The following SH3RF3 variants were observed in gnomAD, a reference collection of about 807,000 sequenced individuals.
The protein encoded by SH3RF3 is E3 ubiquitin-protein ligase SH3RF3.
A neutral mutation model predicts 66.3 loss-of-function variants in SH3RF3; 29 were observed. The observed-to-expected ratio is 0.44, with a 90% CI of 0.33 to 0.60. SH3RF3 has a LOEUF of 0.60. Ranked by LOEUF, SH3RF3 falls within the 20% of genes least tolerant of loss-of-function variation. SH3RF3 has a pLI of 0.04. For synonymous variants in SH3RF3, 583 were observed against 532.0 expected (o/e 1.10, Z -1.32); for missense variants, 1,194 against 1,190.9 (o/e 1.00, Z -0.04).
chr2:109,341,439 T>G (rs1247528944), intron 1 of SH3RF3, among the ~76,000 whole-genome samples: 3 of 152,212 alleles, frequency 2.0e-5, no homozygotes, highest in Non-Finnish European at 4.4e-5. Context: ...TGACAGCACA[T>G]AAATGATAAC....
intron 1 of SH3RF3, among the ~76,000 whole-genome samples, chr2:109,149,018 C>A (rs1020884499): frequency 6.6e-6 from 1 of 152,188 alleles, no homozygotes; most frequent in Non-Finnish European, 1.5e-5. Flanking sequence ...AACTGCAGAT[C>A]CCCCTTTCTC....
chr2:109,483,077 A>C (rs949958107), intron 8 of SH3RF3, among the ~76,000 whole-genome samples: 3 of 152,178 alleles, frequency 2.0e-5, no homozygotes, highest in Non-Finnish European at 4.4e-5. Flanking sequence ...AATGCGTTGC[A>C]TATTTATATT....
intron 1 of SH3RF3, among the ~76,000 whole-genome samples, chr2:109,338,569 A>G (rs1241739060): frequency 6.6e-6 from 1 of 151,638 alleles, no homozygotes; most frequent in Non-Finnish European, 1.5e-5. Context: ...TTTTATTTTT[A>G]TTTTTTGAGA....
chr2:109,207,091 C>G (rs1678859044), intron 1 of SH3RF3, among the ~76,000 whole-genome samples: 2 of 152,150 alleles, frequency 1.3e-5, no homozygotes, highest in South Asian at 4.1e-4. Context: ...TTAGTGCGCT[C>G]AAGAAGAAGG....
At chr2:109,362,030 T>G (rs1477359928) in intron 2 of SH3RF3, among the ~76,000 whole-genome samples, 1 of 152,152 alleles carries the variant, frequency 6.6e-6, no homozygotes, top group African/African-American at 2.4e-5. Flanking sequence ...TTATTGATCT[T>G]TTTTGTTTCA....
rs150533473 is a variant in SH3RF3 at position 109,423,348 on chromosome 2, C to G, written c.1403+3706C>G. On this transcript the variant is annotated intron_variant, in intron 5 of 9. Transcript: ENST00000309415. ...CTCTCTGTCATGGCAGGGATGACCT[C>G]GCAGACCTTGCTGTGATCAGGAGTG... Among the ~76,000 whole-genome samples, 1,188 of 152,262 alleles carry G rather than the reference C, an allele frequency of 7.8e-3. 11 individuals are homozygous for G. Among genetic ancestry groups the G allele is most frequent in the Non-Finnish European group, 0.014 (982 of 68,018 alleles).
At chr2:109,204,074 T>TGG (rs1678750943) in intron 1 of SH3RF3, among the ~76,000 whole-genome samples, 4 of 152,210 alleles carry the variant, frequency 2.6e-5, no homozygotes, top group Non-Finnish European at 5.9e-5. Flanking sequence ...GATTTGCACC[T>TGG]CCTGCCCACT....
intron 1 of SH3RF3, among the ~76,000 whole-genome samples, chr2:109,204,233 G>A (rs1313774005): frequency 6.6e-6 from 1 of 152,172 alleles, no homozygotes; most frequent in Non-Finnish European, 1.5e-5. Context: ...TGTCTTGGGT[G>A]AACCATGAAA....
chr2:109,161,180 C>T (rs776314010), intron 1 of SH3RF3, among the ~76,000 whole-genome samples: 2 of 152,170 alleles, frequency 1.3e-5, no homozygotes, highest in Non-Finnish European at 2.9e-5. Flanking sequence ...CTGGTTCTTT[C>T]GGAACAATAG....
intron 1 of SH3RF3, among the ~76,000 whole-genome samples, chr2:109,158,595 G>T (rs1279089768): frequency 6.6e-6 from 1 of 152,182 alleles, no homozygotes; most frequent in East Asian, 1.9e-4. Context: ...TCGCTGCCTG[G>T]GATGATAAGG....
chr2:109,237,959 G>A lies in SH3RF3; in HGVS notation c.573+107846G>A, dbSNP rs1233572927. Reference sequence around the variant, plus strand: ...AAATTAAAATGGTTTTTATGACCACGCAATGGCTCATGCTTGTAATCCTAG... The same window carrying A: ...AAATTAAAATGGTTTTTATGACCACACAATGGCTCATGCTTGTAATCCTAG... On this transcript the variant is annotated intron_variant, in intron 1 of 9. Transcript: ENST00000309415. 3.3e-5 allele frequency among the ~76,000 whole-genome samples: 5 copies of A among 152,170 alleles called. No homozygotes were observed. The South Asian group carries it at 6.2e-4, about 19-fold the overall frequency.
chr2:109,249,534 TCC>T (rs751976235), intron 1 of SH3RF3, among the ~76,000 whole-genome samples: 22 of 109,024 alleles, frequency 2.0e-4, no homozygotes, highest in African/African-American at 2.7e-4. Flanking sequence ...TTTCTTTCTT[TCC>T]TTCCTTCCTT....
chr2:109,151,934 T>G (rs1282658363), intron 1 of SH3RF3, among the ~76,000 whole-genome samples: 2 of 152,270 alleles, frequency 1.3e-5, no homozygotes, highest in Non-Finnish European at 1.5e-5. Context: ...AATAACAGCC[T>G]GGAGGGCTTA....
chr2:109,503,222 CA>C lies in SH3RF3; in HGVS notation c.*1554del, dbSNP rs1679441901. On this transcript the variant is annotated 3_prime_UTR_variant, in exon 10 of 10. Coordinates refer to ENST00000309415, the MANE Select transcript of SH3RF3 (RefSeq NM_001099289.3). ...ACCCCTCTCTCCACCTATATTTTTACAAATACCATTCAGACTTAAATTAAGC... is the reference window on the plus strand; with the variant it reads ...ACCCCTCTCTCCACCTATATTTTTACAATACCATTCAGACTTAAATTAAGC... The C allele has an allele frequency of 6.6e-6, 1 of 152,216 alleles. No homozygotes were observed. Among genetic ancestry groups the C allele is most frequent in the African/African-American group, 2.4e-5 (1 of 41,450 alleles). 9.4% of individuals were successfully genotyped at this position (152,216 alleles called of 1,614,324 possible).
At chr2:109,301,543 A>G (rs947010610) in intron 1 of SH3RF3, among the ~76,000 whole-genome samples, 4 of 152,144 alleles carry the variant, frequency 2.6e-5, no homozygotes, top group African/African-American at 9.7e-5. Flanking sequence ...CAGGGTGCCC[A>G]GAGCCCATAA....
intron 1 of SH3RF3, among the ~76,000 whole-genome samples, chr2:109,280,396 G>T (rs900271360): frequency 6.6e-6 from 1 of 152,192 alleles, no homozygotes; most frequent in Non-Finnish European, 1.5e-5. Context: ...ACCTGAGTGC[G>T]CTCTTGGCTA....
chr2:109,434,830 C>T (rs572221295), intron 6 of SH3RF3, among the ~76,000 whole-genome samples: 7 of 152,342 alleles, frequency 4.6e-5, no homozygotes, highest in African/African-American at 7.2e-5. Context: ...TGTTCATATA[C>T]GAGGTGCTCA....
intron 1 of SH3RF3, among the ~76,000 whole-genome samples, chr2:109,186,099 T>C (rs1678181207): frequency 6.6e-6 from 1 of 152,236 alleles, no homozygotes; most frequent in Admixed American, 6.5e-5. Flanking sequence ...TGATTTTAAC[T>C]TCAGGAGAGG....
intron 1 of SH3RF3, among the ~76,000 whole-genome samples, chr2:109,294,340 C>T (rs1409486178): frequency 1.3e-5 from 2 of 152,010 alleles, no homozygotes; most frequent in African/African-American, 4.8e-5. Flanking sequence ...GCTGGTGGAT[C>T]GCTTGAGTCC....
Sources: allele counts gnomAD v4.1 joint callset (sites outside exome capture counted in the v4.1 genomes callset), GRCh38; gene constraint gnomAD v4.1.1; transcripts MANE v1.5; gene names NCBI Gene and HGNC (gene_info 2026-07-23, HGNC 2026-07-21).